Variants in MCM9 observed in about 807,000 individuals in gnomAD.
MCM9 encodes DNA helicase MCM9.
In MCM9, 55 loss-of-function variants were observed where a neutral mutation model predicts 72.8. The ratio of observed to expected loss-of-function variants is 0.76; its 90% CI spans 0.61 to 0.95. The LOEUF (loss-of-function observed/expected upper bound fraction) is 0.95. Among genes scored for constraint, MCM9 ranks in the 40% least tolerant of loss-of-function variants. The pLI is 0.00. For missense variants in MCM9, 1,279 were observed against 1,377.0 expected, an observed-to-expected ratio of 0.93 and a Z score of 1.13; for synonymous variants, 480 against 503.4, an observed-to-expected ratio of 0.95 and a Z score of 0.62.
chr6:118,925,359 A>G (rs1562440520), intron 3 of MCM9, among the ~76,000 whole-genome samples: 1 of 152,190 alleles, frequency 6.6e-6, no homozygotes, highest in Non-Finnish European at 1.5e-5. Context: ...AAATGCCATA[A>G]TAGGAATCAT....
chr6:118,910,705 G>C (rs2114577239), intron 8 of MCM9: 1 of 985,180 alleles, frequency 1.0e-6, no homozygotes, highest in Middle Eastern at 5.2e-4. Context: ...ATATATTCTT[G>C]CCTAGTATCC....
chr6:118,895,050 C>T (rs1210281434), intron 8 of MCM9, among the ~76,000 whole-genome samples: 2 of 152,190 alleles, frequency 1.3e-5, no homozygotes, highest in Non-Finnish European at 2.9e-5. Context: ...CAGGCAGGCA[C>T]TCTCGAGAGC....
At chr6:118,913,117 G>C in intron 7 of MCM9, 178 bp downstream of exon 7, 1 of 657,606 alleles carries the variant, frequency 1.5e-6, no homozygotes, top group Non-Finnish European at 2.4e-6. Flanking sequence ...TGGAACTCTA[G>C]AAAGTAGCTT....
chr6:118,903,419 C>G (rs1231285858), intron 8 of MCM9, among the ~76,000 whole-genome samples: 1 of 152,074 alleles, frequency 6.6e-6, no homozygotes, highest in Non-Finnish European at 1.5e-5. Context: ...TTCCAAAATA[C>G]TAAGTGCTCA....
intron 8 of MCM9, among the ~76,000 whole-genome samples, chr6:118,906,315 T>C (rs1273962954): frequency 6.6e-6 from 1 of 152,100 alleles, no homozygotes; most frequent in South Asian, 2.1e-4. Context: ...TCAAGTGATC[T>C]GCCTACCTTG....
At chr6:118,867,327 G>A (rs1259516742) in intron 8 of MCM9, among the ~76,000 whole-genome samples, 4 of 152,184 alleles carry the variant, frequency 2.6e-5, no homozygotes, top group Non-Finnish European at 4.4e-5. Context: ...TGATGGTGAT[G>A]TCCATTATAA....
At chr6:118,824,573 T>C (rs1774043590) in intron 13 of MCM9, among the ~76,000 whole-genome samples, 1 of 152,228 alleles carries the variant, frequency 6.6e-6, no homozygotes, top group Admixed American at 6.5e-5. Flanking sequence ...CCTCACAAAG[T>C]GCTGGGATTA....
chr6:118,872,972 C>T (rs1777701118), intron 8 of MCM9, among the ~76,000 whole-genome samples: 1 of 151,746 alleles, frequency 6.6e-6, no homozygotes, highest in Non-Finnish European at 1.5e-5. Flanking sequence ...AGTTAGAGAC[C>T]AGCCTGAGCA....
rs1184547650 is a variant in MCM9, at chr6:118,815,640, G to A, written c.2616C>T (p.Val872=). 8 of 1,550,422 alleles carry A rather than the reference G, an allele frequency of 5.2e-6. No individual in the cohort carries two copies. The highest frequency in any genetic ancestry group is 7.0e-6 in the Non-Finnish European group (8 of 1,146,946). The change falls in exon 14 of 14, where the codon GTC becomes GTT. Residue 872 remains valine, a synonymous_variant. Coordinates refer to ENST00000619706, the MANE Select transcript of MCM9 (RefSeq NM_017696.3). ...CAGGAGTGGACTGAGGATGGGAAGG[G>A]ACTGTGCACTGTGCAGGCACCCTGG... is the stretch of plus-strand genomic sequence containing the variant. The part of the protein sequence containing the change: ...NSTRVPAQCT[V]PSHPQSTPVH...
rs1773386065 is a variant in MCM9, at chr6:118,815,955, T to G, written c.2301A>C (p.Thr767=). The change falls in exon 14 of 14, where the codon ACA becomes ACC. Residue 767 remains threonine, a synonymous_variant. Transcript: ENST00000619706. ...NTVVVSPHPK[T]SGENMASKIS... ...TCTTCGAAGCCATATTTTCTCCAGA[T>G]GTTTTGGGATGAGGAGACACAACAA... 1.9e-6 allele frequency: 3 copies of G among 1,550,372 alleles called. No homozygotes were observed. The highest frequency in any genetic ancestry group is 2.6e-6 in the Non-Finnish European group (3 of 1,146,980).
chr6:118,829,972 T>C (rs1049724922), intron 9 of MCM9, among the ~76,000 whole-genome samples: 1 of 152,110 alleles, frequency 6.6e-6, no homozygotes, highest in Admixed American at 6.6e-5. Context: ...TGATGAGGAC[T>C]GGGTTGGTGA....
intron 9 of MCM9, among the ~76,000 whole-genome samples, chr6:118,855,262 ATAAT>A (rs1180647666): frequency 6.6e-5 from 10 of 152,346 alleles, no homozygotes; most frequent in South Asian, 6.2e-4. Context: ...TTTAGAAGCA[ATAAT>A]TAAAGTATAT....
rs1773392012 is a variant in MCM9 at position 118,816,088 on chromosome 6, T to TTAGGCTCCAGATGCG, written c.2153_2167dup (p.Pro722_Asn723insThrHisLeuGluPro). 5 of 1,550,316 alleles carry TTAGGCTCCAGATGCG rather than the reference T, an allele frequency of 3.2e-6. No individual in the cohort carries two copies. The East Asian group carries it at 1.2e-4, about 38-fold the overall frequency. On this transcript the variant is annotated inframe_insertion, in exon 14 of 14. Coordinates refer to ENST00000619706, the MANE Select transcript of MCM9 (RefSeq NM_017696.3). ...TGAATGTTTCCTACTTGTTGATCTA[T>TTAGGCTCCAGATGCG]TAGGCTCCAGATGCGGTGGGGGATC... is the stretch of plus-strand genomic sequence containing the variant.
intron 8 of MCM9, among the ~76,000 whole-genome samples, chr6:118,868,452 G>A (rs1193876832): frequency 6.6e-6 from 1 of 152,138 alleles, no homozygotes; most frequent in East Asian, 1.9e-4. Context: ...CTTCTGCGTG[G>A]CAAAAGAAAC....
At chr6:118,876,035 T>C (rs1777911623) in intron 8 of MCM9, among the ~76,000 whole-genome samples, 1 of 152,006 alleles carries the variant, frequency 6.6e-6, no homozygotes, top group Admixed American at 6.5e-5. Context: ...CAATAAAATA[T>C]CATTCATTGT....
intron 13 of MCM9, among the ~76,000 whole-genome samples, chr6:118,819,599 T>C (rs537021821): frequency 1.2e-4 from 18 of 152,334 alleles, no homozygotes; most frequent in African/African-American, 4.3e-4. Flanking sequence ...ATTGTCTCTC[T>C]GCCAGGTTTT....
intron 9 of MCM9, among the ~76,000 whole-genome samples, chr6:118,829,866 AAG>A (rs1774415933): frequency 6.6e-6 from 1 of 151,052 alleles, no homozygotes; most frequent in African/African-American, 2.4e-5. Context: ...CTAAACACGA[AAG>A]AAACAAAAAA....
chr6:118,893,907 G>C (rs1779131126), intron 8 of MCM9: 7 of 532,688 alleles, frequency 1.3e-5, no homozygotes, highest in Non-Finnish European at 1.4e-5. Context: ...GGCGGGCGTC[G>C]GCCGGATCGC....
At chr6:118,924,906 T>C (rs1001070358) in intron 3 of MCM9, among the ~76,000 whole-genome samples, 1 of 151,898 alleles carries the variant, frequency 6.6e-6, no homozygotes, top group Admixed American at 6.6e-5. Context: ...CAGCTGGGCA[T>C]GGTGGTGCAT....
Sources: allele counts gnomAD v4.1 joint callset (sites outside exome capture counted in the v4.1 genomes callset), GRCh38; gene constraint gnomAD v4.1.1; transcripts MANE v1.5; gene names NCBI Gene and HGNC (gene_info 2026-07-23, HGNC 2026-07-21).